The following ATF2 variants were observed in gnomAD, a reference collection of about 807,000 sequenced individuals.
ATF2 encodes cyclic AMP-dependent transcription factor ATF-2.
A neutral mutation model predicts 60.6 loss-of-function variants in ATF2; 24 were observed. The ratio of observed to expected loss-of-function variants is 0.40; its 90% CI spans 0.29 to 0.56. The LOEUF is 0.56. ATF2 is among the 20% of genes least tolerant of loss of function. The pLI is 0.54. For synonymous variants in ATF2, 206 were observed against 215.4 expected (o/e 0.96, Z 0.38); for missense variants, 433 against 607.7 (o/e 0.71, Z 3.02).
intron 2 of ATF2, among the ~76,000 whole-genome samples, chr2:175,138,017 C>T (rs1264197928): frequency 1.3e-5 from 2 of 152,120 alleles, no homozygotes; most frequent in African/African-American, 2.4e-5. Context: ...ATAACAGAAG[C>T]CTGGAAGGGA....
chr2:175,091,280 C>T (rs1374762163), intron 12 of ATF2, among the ~76,000 whole-genome samples: 1 of 152,032 alleles, frequency 6.6e-6, no homozygotes, highest in Non-Finnish European at 1.5e-5. Flanking sequence ...ATCTATTCTA[C>T]AGGTAAGACA....
intron 2 of ATF2, among the ~76,000 whole-genome samples, chr2:175,141,077 A>G (rs1290140472): frequency 1.5e-5 from 2 of 137,294 alleles, no homozygotes; most frequent in East Asian, 2.1e-4. Context: ...GTGTGTATAT[A>G]TATGTATACA....
intron 2 of ATF2, among the ~76,000 whole-genome samples, chr2:175,138,849 C>A (rs1245062475): frequency 6.6e-6 from 1 of 152,188 alleles, no homozygotes; most frequent in Non-Finnish European, 1.5e-5. Context: ...GTGCTTCTCC[C>A]ACCCCATTCT....
At chr2:175,156,986 T>C (rs1699730685) in intron 1 of ATF2, among the ~76,000 whole-genome samples, 2 of 152,186 alleles carry the variant, frequency 1.3e-5, no homozygotes, top group South Asian at 4.1e-4. Flanking sequence ...GGGTATTTTT[T>C]TTCTATTTTT....
At chr2:175,157,782 CA>C (rs1699774971) in intron 1 of ATF2, among the ~76,000 whole-genome samples, 1 of 152,088 alleles carries the variant, frequency 6.6e-6, no homozygotes, top group South Asian at 2.1e-4. Flanking sequence ...ATCACGAGAT[CA>C]GGAGTTTAAG....
chr2:175,167,104 C>T (rs909376264), intron 1 of ATF2, among the ~76,000 whole-genome samples: 3 of 152,132 alleles, frequency 2.0e-5, no homozygotes, highest in Admixed American at 6.6e-5. Flanking sequence ...CTCTTGGCCT[C>T]ACCAGTTTTA....
intron 4 of ATF2, among the ~76,000 whole-genome samples, chr2:175,126,344 T>C (rs532778010): frequency 1.7e-4 from 26 of 152,252 alleles, no homozygotes; most frequent in African/African-American, 4.3e-4. Context: ...ATCTATACTA[T>C]TGTGATACAG....
At chr2:175,115,041 G>A (rs905493509) in intron 7 of ATF2, among the ~76,000 whole-genome samples, 173 bp from the exon 8 acceptor site, 1 of 150,048 alleles carries the variant, frequency 6.7e-6, no homozygotes, top group Admixed American at 6.7e-5. Context: ...AGATTCAAAT[G>A]CAATGTTCAA....
At chr2:175,103,443 G>C (rs111332400) in intron 10 of ATF2, among the ~76,000 whole-genome samples, 7 of 152,262 alleles carry the variant, frequency 4.6e-5, no homozygotes, top group African/African-American at 1.7e-4. Context: ...GGTTGAGAGA[G>C]GGTCTGTTTC....
At chr2:175,128,422 C>A (rs967657803) in intron 4 of ATF2, among the ~76,000 whole-genome samples, 1 of 151,982 alleles carries the variant, frequency 6.6e-6, no homozygotes, top group Non-Finnish European at 1.5e-5. Context: ...ATCACTTTAA[C>A]CTGGGAGGCG....
At chr2:175,082,291 T>TGTATTTGAGGCAAGAATGGGTAGATA (rs1484825125) in intron 12 of ATF2, among the ~76,000 whole-genome samples, 2 of 152,162 alleles carry the variant, frequency 1.3e-5, no homozygotes, top group Non-Finnish European at 2.9e-5. Flanking sequence ...TTTAGAATAT[T>TGTATTTGAGGCAAGAATGGGTAGATA]GTATTTGAGG....
intron 10 of ATF2, among the ~76,000 whole-genome samples, chr2:175,109,789 C>G (rs551492911): frequency 6.6e-6 from 1 of 152,180 alleles, no homozygotes; most frequent in East Asian, 1.9e-4. Flanking sequence ...AAAAAATGCC[C>G]CTGGTGAAGC....
intron 12 of ATF2, among the ~76,000 whole-genome samples, chr2:175,085,763 T>C (rs1308544959): frequency 1.3e-5 from 2 of 152,162 alleles, no homozygotes; most frequent in African/African-American, 2.4e-5. Context: ...GAAAGGTTAA[T>C]GAACATCAAG....
chr2:175,082,402 T>C (rs1693825559), intron 12 of ATF2, among the ~76,000 whole-genome samples: 1 of 152,188 alleles, frequency 6.6e-6, no homozygotes, highest in Non-Finnish European at 1.5e-5. Flanking sequence ...CTCCAACTGG[T>C]GTCAATACTG....
In ATF2 at chr2:175,097,377, G is replaced by T. The variant is rs149284771; in HGVS notation, c.978+67C>A. 36 of 1,558,886 alleles carry T rather than the reference G, an allele frequency of 2.3e-5. No homozygotes were observed. In the East Asian group the frequency reaches 6.3e-4, roughly 27 times the overall value. On this transcript the variant is annotated intron_variant, in intron 11 of 13. Coordinates refer to ENST00000264110, the MANE Select transcript of ATF2 (RefSeq NM_001880.4). ...CAGAGTAATATTTTTTAAATAAGCC[G>T]TAAGTTACACTGTACTTTTCTGTTT...
intron 3 of ATF2, among the ~76,000 whole-genome samples, chr2:175,135,146 C>T (rs575525817): frequency 3.3e-5 from 5 of 151,882 alleles, no homozygotes; most frequent in African/African-American, 1.2e-4. Flanking sequence ...AATACCACCA[C>T]TTTAATCCCT....
chr2:175,114,465 T>A (rs1362861180), intron 8 of ATF2: 2 of 1,263,556 alleles, frequency 1.6e-6, no homozygotes, highest in Non-Finnish European at 2.0e-6. Flanking sequence ...AATAAGACTA[T>A]CTTAAATTCA....
intron 10 of ATF2, 124 bp downstream of exon 10, chr2:175,111,444 G>A: frequency 2.4e-6 from 2 of 835,018 alleles, no homozygotes; most frequent in Middle Eastern, 2.4e-4. Context: ...TTTATCTATA[G>A]TATAAAACAG....
At chr2:175,089,804 A>G (rs1256794569) in intron 12 of ATF2, among the ~76,000 whole-genome samples, 2 of 152,150 alleles carry the variant, frequency 1.3e-5, no homozygotes, top group African/African-American at 4.8e-5. Context: ...CTTTCTTCCC[A>G]AACCATCCAT....
Sources: gnomAD v4.1 joint callset for allele counts (sites outside exome capture counted in the v4.1 genomes callset) on GRCh38, gnomAD v4.1.1 for gene constraint, MANE v1.5 for transcripts, NCBI Gene and HGNC (gene_info 2026-07-23, HGNC 2026-07-21) for gene names.